Variants in ANKIB1 observed in about 807,000 individuals in gnomAD.
ANKIB1 encodes ankyrin repeat and IBR domain-containing protein 1.
A neutral mutation model predicts 122.1 loss-of-function variants in ANKIB1; 43 were observed. The ratio of observed to expected loss-of-function variants is 0.35; its 90% confidence interval spans 0.28 to 0.45. The LOEUF (loss-of-function observed/expected upper bound fraction) is 0.45. Among genes scored for constraint, ANKIB1 ranks in the 20% least tolerant of loss-of-function variants. The pLI is 1.00. For missense variants in ANKIB1, 992 were observed against 1,329.5 expected, an observed-to-expected ratio of 0.75 and a Z score of 3.95; for synonymous variants, 390 against 442.0, an observed-to-expected ratio of 0.88 and a Z score of 1.48.
intron 5 of ANKIB1, among the ~76,000 whole-genome samples, chr7:92,329,196 A>G (rs1484285336): frequency 6.6e-6 from 1 of 151,910 alleles, no homozygotes; most frequent in Non-Finnish European, 1.5e-5. Flanking sequence ...TCTAACTCCC[A>G]ATCTAGGTGA....
chr7:92,374,827 G>A (rs1244393072), intron 11 of ANKIB1, among the ~76,000 whole-genome samples: 2 of 150,916 alleles, frequency 1.3e-5, no homozygotes, highest in African/African-American at 4.9e-5. Flanking sequence ...AATCCAAAAA[G>A]TGATTTTAAC....
chr7:92,309,144 T>C (rs1562777875), intron 3 of ANKIB1, among the ~76,000 whole-genome samples: 2 of 152,236 alleles, frequency 1.3e-5, no homozygotes, highest in African/African-American at 4.8e-5. Context: ...TGATACTTGC[T>C]AATCTTTTAG....
At chr7:92,364,310 TAAAAAA>T (rs762884822) in intron 10 of ANKIB1, among the ~76,000 whole-genome samples, 3 of 33,528 alleles carry the variant, frequency 8.9e-5, no homozygotes, top group Admixed American at 8.3e-4. Context: ...AGACTCCATC[TAAAAAA>T]AAAAAAAAAA....
At chr7:92,281,686 T>C (rs1196662674) in intron 1 of ANKIB1, among the ~76,000 whole-genome samples, 2 of 152,186 alleles carry the variant, frequency 1.3e-5, no homozygotes, top group African/African-American at 4.8e-5. Flanking sequence ...TAATGGGTAA[T>C]AAACAGTACC....
Position 92,297,947 on chromosome 7 carries a change from G to T in ANKIB1, c.188+2781G>T, listed in dbSNP as rs75330762. 5.2e-3 allele frequency among the ~76,000 whole-genome samples: 784 copies of T among 151,808 alleles called. 7 individuals carry two copies. Among genetic ancestry groups the T allele is most frequent in the African/African-American group, 0.018 (744 of 41,396 alleles). On this transcript the variant is annotated intron_variant, in intron 2 of 19. Transcript: ENST00000265742. ...AATGCCACCCACTTAGCTTCATTCC[G>T]GTTGTTTCTGGATTCTCAAATGGCT...
chr7:92,394,884 A>G (rs1196680758), intron 17 of ANKIB1, among the ~76,000 whole-genome samples: 1 of 152,212 alleles, frequency 6.6e-6, no homozygotes, highest in Non-Finnish European at 1.5e-5. Context: ...TTATATAAAT[A>G]AAGGAGTTTA....
At chr7:92,325,907 C>CT in intron 4 of ANKIB1, 1 of 436,936 alleles carries the variant, frequency 2.3e-6, no homozygotes, top group Non-Finnish European at 4.6e-6. Flanking sequence ...ATTTAGTTTT[C>CT]TTTTTCTTTC....
rs141931402 is a variant in ANKIB1, at chr7:92,374,437, C to T, written c.1617+2830C>T. 4.4e-4 allele frequency among the ~76,000 whole-genome samples: 67 copies of T among 152,212 alleles called. 2 individuals are homozygous for T. The Middle Eastern group carries it at 0.024, about 54-fold the overall frequency. ...AGGTTGCAGTGAGCTGAGATTGTGCCATTGCACTCCAGCGTGGGCAACAAG... is the reference window on the plus strand; with the variant it reads ...AGGTTGCAGTGAGCTGAGATTGTGCTATTGCACTCCAGCGTGGGCAACAAG... On this transcript the variant is annotated intron_variant, in intron 11 of 19. Coordinates refer to ENST00000265742, the MANE Select transcript of ANKIB1 (RefSeq NM_019004.2).
At chr7:92,259,245 T>G (rs1394815283) in intron 1 of ANKIB1, among the ~76,000 whole-genome samples, 3 of 152,122 alleles carry the variant, frequency 2.0e-5, no homozygotes, top group Non-Finnish European at 4.4e-5. Context: ...CGTGAGCCAC[T>G]GCACCAGGCT....
chr7:92,293,745 C>G (rs1802296054), intron 1 of ANKIB1, among the ~76,000 whole-genome samples: 1 of 152,180 alleles, frequency 6.6e-6, no homozygotes, highest in African/African-American at 2.4e-5. Flanking sequence ...TCTTGTTAAT[C>G]TAATGCTAGA....
In ANKIB1 at chr7:92,248,254, A is replaced by G. The variant is rs1801242868; in HGVS notation, c.-91+1735A>G. Among the ~76,000 whole-genome samples, 3 of 151,680 alleles carry G rather than the reference A, an allele frequency of 2.0e-5. No individual in the cohort carries two copies. In the South Asian group the frequency reaches 6.3e-4, roughly 32 times the overall value. Reference sequence around the variant, plus strand: ...CTTGACCACTACACCGAGAATTTTGAGTTTTCAATATGTAAGGAGTCTGAA... The same window carrying G: ...CTTGACCACTACACCGAGAATTTTGGGTTTTCAATATGTAAGGAGTCTGAA... On this transcript the variant is annotated intron_variant, in intron 1 of 19. Transcript: ENST00000265742.
chr7:92,295,111 C>G lies in ANKIB1; in HGVS notation c.133C>G (p.Gln45Glu). 1 of 1,575,618 alleles carries G rather than the reference C, an allele frequency of 6.3e-7. No homozygotes were observed. Among genetic ancestry groups the G allele is most frequent in the Non-Finnish European group, 8.6e-7 (1 of 1,159,612 alleles). Reference protein sequence around the residue: ...DPNTSYGEPYQHNTPLHYAAR... With the variant: ...DPNTSYGEPYEHNTPLHYAAR... The stretch of plus-strand genomic sequence containing the variant: ...AAATACATCTTATGGGGAGCCCTAC[C>G]AGCACAATACTCCATTACATTATGC... The change falls in exon 2 of 20, where the codon CAG becomes GAG. Residue 45 changes from glutamine to glutamate, a missense_variant. Gln to Glu is a conservative substitution (Grantham distance 29). This residue lies in a region of ANKIB1 where 54 missense variants were observed against 112.3 expected (regional missense o/e 0.48). Transcript: ENST00000265742.
chr7:92,260,478 A>C (rs1562763000), intron 1 of ANKIB1, among the ~76,000 whole-genome samples: 1 of 152,152 alleles, frequency 6.6e-6, no homozygotes, highest in Non-Finnish European at 1.5e-5. Context: ...CAGGAATTCA[A>C]GACTAGCCTG....
intron 3 of ANKIB1, among the ~76,000 whole-genome samples, chr7:92,316,730 A>C (rs1802800317): frequency 6.7e-6 from 1 of 150,334 alleles, no homozygotes; most frequent in Admixed American, 6.6e-5. Flanking sequence ...CCCTCTTCAC[A>C]CACATTTTTT....
chr7:92,396,147 TTATC>T, intron 17 of ANKIB1: 1 of 526,656 alleles, frequency 1.9e-6, no homozygotes, highest in Non-Finnish European at 3.4e-6. Context: ...TATTCCTAAT[TTATC>T]TAGGCAATTG....
chr7:92,313,747 G>T (rs1463749372), intron 3 of ANKIB1, among the ~76,000 whole-genome samples: 1 of 151,982 alleles, frequency 6.6e-6, no homozygotes, highest in African/African-American at 2.4e-5. Flanking sequence ...CAAATTATTG[G>T]GCCAACCAGA....
At chr7:92,257,891 A>C (rs1409298549) in intron 1 of ANKIB1, among the ~76,000 whole-genome samples, 1 of 152,228 alleles carries the variant, frequency 6.6e-6, no homozygotes, top group Non-Finnish European at 1.5e-5. Flanking sequence ...GGCCTTGTAA[A>C]GATGGCTAAT....
intron 1 of ANKIB1, among the ~76,000 whole-genome samples, chr7:92,254,954 A>G (rs111298506): frequency 0.024 from 3,619 of 152,266 alleles, 75 homozygotes; most frequent in Middle Eastern, 0.041. Flanking sequence ...TGCTGTTCTC[A>G]TGATAGTGAG....
chr7:92,386,605 C>G lies in ANKIB1; in HGVS notation c.1714C>G (p.Gln572Glu). ...CAGATGTACTCGCTATGAAGTCATT[C>G]AACACGTGGAGGAGCAATCCAAGGA... ...YYRCTRYEVIQHVEEQSKEMT... is the reference protein window; with the variant it reads ...YYRCTRYEVIEHVEEQSKEMT... Residue 572 changes from glutamine to glutamate, a missense_variant, in exon 12 of 20, where the codon CAA (glutamine) becomes GAA (glutamate). Transcript: ENST00000265742. The G allele has an allele frequency of 6.2e-7, 1 of 1,604,708 alleles. No homozygotes were observed. The highest frequency in any genetic ancestry group is 8.5e-7 in the Non-Finnish European group (1 of 1,175,790).
Sources: gnomAD v4.1 joint callset for allele counts (sites outside exome capture counted in the v4.1 genomes callset) on GRCh38, gnomAD v4.1.1 for gene constraint, gnomAD v4.1.1 regional missense constraint, MANE v1.5 for transcripts, NCBI Gene and HGNC (gene_info 2026-07-23, HGNC 2026-07-21) for gene names.